Variants in CDH8 observed in about 807,000 individuals in gnomAD.
CDH8 encodes the protein cadherin-8.
In CDH8, 17 loss-of-function variants were observed where a neutral mutation model predicts 68.1. The observed-to-expected ratio is 0.25, with a 90% CI of 0.17 to 0.37. The LOEUF is 0.37. Among genes scored for constraint, CDH8 ranks in the 10% least tolerant of loss-of-function variants. The pLI is 1.00. For synonymous variants in CDH8, 372 were observed against 365.1 expected, an observed-to-expected ratio of 1.02 and a Z score of -0.21; for missense variants, 763 against 999.3, an observed-to-expected ratio of 0.76 and a Z score of 3.19.
At chr16:61,890,283 A>G (rs888512940) in intron 3 of CDH8, among the ~76,000 whole-genome samples, 5 of 152,202 alleles carry the variant, frequency 3.3e-5, no homozygotes, top group African/African-American at 1.2e-4. Flanking sequence ...GGAAAAAATT[A>G]AAAGGGAAAT....
chr16:61,721,204 C>A (rs1229513140), intron 9 of CDH8, among the ~76,000 whole-genome samples: 2 of 150,836 alleles, frequency 1.3e-5, no homozygotes, highest in East Asian at 3.9e-4. Flanking sequence ...TGTTTTGCTA[C>A]ATGTGGTTTC....
intron 2 of CDH8, among the ~76,000 whole-genome samples, chr16:61,999,796 C>A (rs887567779): frequency 6.6e-6 from 1 of 151,948 alleles, no homozygotes; most frequent in Non-Finnish European, 1.5e-5. Flanking sequence ...GAATTCCCCC[C>A]TTTTTTATTT....
chr16:61,931,945 C>A (rs1383451761), intron 2 of CDH8, among the ~76,000 whole-genome samples: 1 of 152,100 alleles, frequency 6.6e-6, no homozygotes, highest in Non-Finnish European at 1.5e-5. Context: ...CTATGGCTCA[C>A]CCCTGTAATC....
chr16:61,898,299 C>CAAAA (rs538928242), intron 3 of CDH8, among the ~76,000 whole-genome samples: 1 of 137,030 alleles, frequency 7.3e-6, no homozygotes. Flanking sequence ...GACTCTGTCT[C>CAAAA]AAAAAAAAAA....
chr16:61,754,915 C>T (rs868001021), intron 8 of CDH8, among the ~76,000 whole-genome samples: 1 of 152,104 alleles, frequency 6.6e-6, no homozygotes, highest in Non-Finnish European at 1.5e-5. Context: ...TCAGCACTGG[C>T]CCCCTACTTT....
chr16:62,002,755 T>C (rs1965911961), intron 2 of CDH8, among the ~76,000 whole-genome samples: 1 of 152,180 alleles, frequency 6.6e-6, no homozygotes, highest in South Asian at 2.1e-4. Context: ...ACTGTCACTG[T>C]GCTTAAAAAC....
chr16:61,738,113 C>A (rs980300350), intron 8 of CDH8, among the ~76,000 whole-genome samples: 9 of 152,076 alleles, frequency 5.9e-5, no homozygotes, highest in African/African-American at 2.2e-4. Flanking sequence ...GAAATTCTTT[C>A]TCTCACTGAG....
chr16:61,917,127 T>G (rs1273330978), intron 2 of CDH8, among the ~76,000 whole-genome samples: 1 of 147,350 alleles, frequency 6.8e-6, no homozygotes, highest in Admixed American at 6.8e-5. Flanking sequence ...TCCTTGCAAG[T>G]TGGGAGTAGG....
chr16:61,962,885 A>G (rs1454935921), intron 2 of CDH8, among the ~76,000 whole-genome samples: 1 of 152,192 alleles, frequency 6.6e-6, no homozygotes. Context: ...AAATGAGAGA[A>G]ATAAAGCAAA....
In CDH8 at chr16:61,653,705, T is replaced by C. The variant is rs1308195012; in HGVS notation, c.2303A>G (p.Asp768Gly). 1 of 1,614,028 alleles carries C rather than the reference T, an allele frequency of 6.2e-7. No homozygotes were observed. The highest frequency in any genetic ancestry group is 8.5e-7 in the Non-Finnish European group (1 of 1,180,030). The change falls in exon 12 of 12, where the codon GAC becomes GGC. Residue 768 changes from aspartate to glycine, a missense_variant. Coordinates refer to ENST00000577390, the MANE Select transcript of CDH8 (RefSeq NM_001796.5). ...SLSSLESTTSDSDQNFDYLSD... is the reference protein window; with the variant it reads ...SLSSLESTTSGSDQNFDYLSD... ...GAGGTAGTCAAAATTCTGGTCTGAG[T>C]CTGATGTGGTGGACTCCAAGGAGCT... is the stretch of plus-strand genomic sequence containing the variant.
chr16:61,837,005 C>A (rs1962582868), intron 4 of CDH8, among the ~76,000 whole-genome samples: 1 of 152,006 alleles, frequency 6.6e-6, no homozygotes, highest in African/African-American at 2.4e-5. Flanking sequence ...CCCTCCTTGA[C>A]CCTTTTGTTG....
intron 2 of CDH8, among the ~76,000 whole-genome samples, chr16:61,960,869 T>G (rs1402975516): frequency 2.6e-5 from 4 of 152,168 alleles, no homozygotes; most frequent in African/African-American, 7.2e-5. Context: ...TTGCCCACTT[T>G]CCCTTGTCTG....
intron 3 of CDH8, among the ~76,000 whole-genome samples, chr16:61,889,345 C>T (rs74023286): frequency 0.025 from 3,783 of 152,182 alleles, 156 homozygotes; most frequent in African/African-American, 0.086. Flanking sequence ...TGGCAAACTT[C>T]AAAGTCCAGT....
At chr16:62,011,051 T>C (rs944745822) in intron 2 of CDH8, among the ~76,000 whole-genome samples, 1 of 151,078 alleles carries the variant, frequency 6.6e-6, no homozygotes, top group Non-Finnish European at 1.5e-5. Context: ...AATAAATAAA[T>C]GTATGCAACC....
rs145821161 is a variant in CDH8 at position 62,028,685 on chromosome 16, G to C, written c.-199-7083C>G. Among the ~76,000 whole-genome samples the C allele has an allele frequency of 6.0e-3, 906 of 151,626 alleles. 5 individuals carry two copies. The highest frequency in any genetic ancestry group is 0.014 in the Middle Eastern group (4 of 290). On this transcript the variant is annotated intron_variant, in intron 1 of 11. Coordinates refer to ENST00000577390, the MANE Select transcript of CDH8 (RefSeq NM_001796.5). ...ATCATCAGTTTAGTTAAGATATTGA[G>C]AGTAATTTTCTTCTGTTGGGCTTTT...
At chr16:61,755,257 AT>A (rs1567455268) in intron 8 of CDH8, among the ~76,000 whole-genome samples, 1 of 152,194 alleles carries the variant, frequency 6.6e-6, no homozygotes, top group Non-Finnish European at 1.5e-5. Flanking sequence ...TAAGGAATGT[AT>A]AATTATCACA....
At chr16:61,948,889 A>G (rs1964842801) in intron 2 of CDH8, among the ~76,000 whole-genome samples, 1 of 152,178 alleles carries the variant, frequency 6.6e-6, no homozygotes, top group Non-Finnish European at 1.5e-5. Context: ...TACTAATCCC[A>G]TGGAGGTGAA....
intron 10 of CDH8, among the ~76,000 whole-genome samples, chr16:61,705,221 C>T (rs1175985508): frequency 6.6e-6 from 1 of 152,056 alleles, no homozygotes; most frequent in South Asian, 2.1e-4. Context: ...AGTGTCACGG[C>T]CAGAGATCAG....
chr16:61,857,054 C>G, intron 4 of CDH8, 65 bp downstream of exon 4: 1 of 1,586,966 alleles, frequency 6.3e-7, no homozygotes, highest in Non-Finnish European at 8.6e-7. Context: ...TAACCCAAAT[C>G]CCAAGAAAAG....
Sources: gnomAD v4.1 joint callset for allele counts (sites outside exome capture counted in the v4.1 genomes callset) on GRCh38, gnomAD v4.1.1 for gene constraint, MANE v1.5 for transcripts, NCBI Gene and HGNC (gene_info 2026-07-23, HGNC 2026-07-21) for gene names.